The following KDM4B variants were observed in gnomAD, a reference collection of about 807,000 sequenced individuals.
KDM4B encodes lysine-specific demethylase 4B.
KDM4B carries 32 observed loss-of-function variants against 125.2 expected under a neutral mutation model. The observed-to-expected ratio is 0.26, with a 90% CI of 0.19 to 0.34. The LOEUF (loss-of-function observed/expected upper bound fraction) is 0.34, where lower values mean the gene tolerates loss of function less well. Among genes scored for constraint, KDM4B ranks in the 10% least tolerant of loss-of-function variants. KDM4B has a pLI of 1.00. For missense variants in KDM4B, 1,190 were observed against 1,577.7 expected (o/e 0.75, Z 4.16); for synonymous variants, 721 against 677.9 (o/e 1.06, Z -0.99).
At chr19:5,052,690 C>T (rs972884204) in intron 6 of KDM4B, among the ~76,000 whole-genome samples, 2 of 152,256 alleles carry the variant, frequency 1.3e-5, no homozygotes, top group East Asian at 1.9e-4. Context: ...TCGGGCCCCA[C>T]AATGGCCTCT....
intron 9 of KDM4B, among the ~76,000 whole-genome samples, chr19:5,086,257 C>T (rs920717201): frequency 2.0e-5 from 3 of 151,510 alleles, no homozygotes; most frequent in Admixed American, 1.3e-4. Context: ...GGTGAAAAGC[C>T]ACCCTCCTGC....
At chr19:4,973,989 G>A (rs1459481215) in intron 1 of KDM4B, among the ~76,000 whole-genome samples, 1 of 151,902 alleles carries the variant, frequency 6.6e-6, no homozygotes, top group African/African-American at 2.4e-5. Context: ...AATTAACTGG[G>A]CGTGGCGGTG....
chr19:5,065,820 C>A (rs2037751287), intron 6 of KDM4B, among the ~76,000 whole-genome samples: 1 of 152,242 alleles, frequency 6.6e-6, no homozygotes, highest in African/African-American at 2.4e-5. Flanking sequence ...AAGGTTCGCC[C>A]ACCCGTCGCC....
At position 5,087,198 on chromosome 19, in the gene KDM4B, G is replaced by A. The variant is rs183051078; in HGVS notation, c.918+4694G>A. 1.9e-3 allele frequency among the ~76,000 whole-genome samples: 284 copies of A among 152,402 alleles called. 1 individual carries two copies. Among genetic ancestry groups the A allele is most frequent in the Middle Eastern group, 0.014 (4 of 294 alleles). ...GGCACACGGAGGCCATTGTCAAGGA[G>A]GGGGTGGGATTTATTCCCGTGGGTG... On this transcript the variant is annotated intron_variant, in intron 9 of 22. Transcript: ENST00000159111.
At chr19:5,067,930 G>A (rs1461312558) in intron 6 of KDM4B, among the ~76,000 whole-genome samples, 3 of 152,136 alleles carry the variant, frequency 2.0e-5, no homozygotes, top group Admixed American at 6.5e-5. Context: ...GATGGAAACC[G>A]AGCTCCCAGG....
rs371020611 is a variant in KDM4B at position 5,137,281 on chromosome 19, C to T, written c.2328C>T (p.Pro776=). The T allele has an allele frequency of 3.0e-5, 48 of 1,578,720 alleles. No homozygotes were observed. The highest frequency in any genetic ancestry group is 3.6e-5 in the Non-Finnish European group (42 of 1,162,580). The change falls in exon 16 of 23, where the codon CCC becomes CCT. Residue 776 remains proline (P), a synonymous_variant. Coordinates refer to ENST00000159111, the MANE Select transcript of KDM4B (RefSeq NM_015015.3). The stretch of plus-strand genomic sequence containing the variant: ...TTCCAGGTTGCTATGGCATCCGTCC[C>T]GAGCTGGTCAATGAAGGCTGGACGT... ...QVHASCYGIR[P]ELVNEGWTCS... is the part of the protein sequence containing the mutation.
chr19:4,974,733 G>C (rs1480596670), intron 1 of KDM4B, among the ~76,000 whole-genome samples: 1 of 138,750 alleles, frequency 7.2e-6, no homozygotes, highest in East Asian at 2.0e-4. Flanking sequence ...GCGAGACTCT[G>C]TCTCCAAAAA....
intron 6 of KDM4B, among the ~76,000 whole-genome samples, chr19:5,047,919 C>G (rs1280875141): frequency 6.6e-6 from 1 of 152,214 alleles, no homozygotes; most frequent in African/African-American, 2.4e-5. Context: ...GAGTGCCCCC[C>G]ATTGAGCTGT....
At chr19:5,060,695 G>T (rs2037566497) in intron 6 of KDM4B, among the ~76,000 whole-genome samples, 1 of 152,144 alleles carries the variant, frequency 6.6e-6, no homozygotes, top group Non-Finnish European at 1.5e-5. Context: ...TTTGACGGCA[G>T]GCACGTGAGG....
intron 2 of KDM4B, among the ~76,000 whole-genome samples, chr19:5,017,844 C>T (rs1483468676): frequency 1.1e-4 from 16 of 149,714 alleles, no homozygotes; most frequent in Admixed American, 1.1e-3. Flanking sequence ...GGGTTCACGC[C>T]ATTCTCCTGC....
chr19:4,996,689 C>A (rs2035212134), intron 1 of KDM4B, among the ~76,000 whole-genome samples: 1 of 152,336 alleles, frequency 6.6e-6, no homozygotes, highest in South Asian at 2.1e-4. Flanking sequence ...TTGGGGACAG[C>A]TCTGGTCTCT....
chr19:5,139,087 T>G (rs1263004376), intron 18 of KDM4B, among the ~76,000 whole-genome samples: 1 of 152,126 alleles, frequency 6.6e-6, no homozygotes, highest in Non-Finnish European at 1.5e-5. Flanking sequence ...AAAGTTAGGT[T>G]AACTCCCAAT....
rs4807685 is a variant in KDM4B, at chr19:5,081,168, T to C, written c.781-1199T>C. Among the ~76,000 whole-genome samples, 14,411 of 152,222 alleles carry C rather than the reference T, an allele frequency of 0.095. 884 individuals are homozygous for C. Among genetic ancestry groups the C allele is most frequent in the Admixed American group, 0.15 (2,280 of 15,300 alleles). Reference sequence around the variant, plus strand: ...CGTTTTACTGGATGTTAAATAAAGATGAGGAGCCCACTTGACTTCAAGGAT... The same window carrying C: ...CGTTTTACTGGATGTTAAATAAAGACGAGGAGCCCACTTGACTTCAAGGAT... On this transcript the variant is annotated intron_variant, in intron 8 of 22. Coordinates refer to ENST00000159111, the MANE Select transcript of KDM4B (RefSeq NM_015015.3). This position sits in a 1 kb window ranked among gnomAD's most constrained non-coding sequence, Gnocchi z 4.2.
chr19:5,075,559 T>G (rs143742651), intron 7 of KDM4B: 1 of 152,236 alleles, frequency 6.6e-6, no homozygotes, highest in Non-Finnish European at 1.5e-5. Context: ...TCCATCTACC[T>G]GCCTCGGCCT....
At chr19:5,028,959 G>A (rs1456475504) in intron 2 of KDM4B, among the ~76,000 whole-genome samples, 1 of 152,208 alleles carries the variant, frequency 6.6e-6, no homozygotes, top group East Asian at 1.9e-4. Context: ...CTGGAAGGCT[G>A]GAGTGCAGTG....
intron 10 of KDM4B, chr19:5,119,095 A>C (rs1185072124): frequency 6.8e-7 from 1 of 1,467,822 alleles, no homozygotes; most frequent in African/African-American, 1.4e-5. Context: ...CTAGAGAAAA[A>C]ACCCGTGAAA....
rs1488025035 is a variant in KDM4B, at chr19:5,041,127, T to C, written c.318-10T>C. ...CACCCTGAGCTGGTTTTGGGGTGTT[T>C]GTTCACCAGGTACTGTACCCCGCGG... On this transcript the variant is annotated splice_polypyrimidine_tract_variant and intron_variant, in intron 4 of 22. Coordinates refer to ENST00000159111, the MANE Select transcript of KDM4B (RefSeq NM_015015.3). 1 of 1,591,358 alleles carries C rather than the reference T, an allele frequency of 6.3e-7. No homozygotes were observed. Among genetic ancestry groups the C allele is most frequent in the African/African-American group, 1.3e-5 (1 of 74,358 alleles).
At chr19:4,983,273 G>A (rs2034711583) in intron 1 of KDM4B, among the ~76,000 whole-genome samples, 1 of 151,824 alleles carries the variant, frequency 6.6e-6, no homozygotes, top group South Asian at 2.1e-4. Flanking sequence ...TGCTATAGAT[G>A]GGGTCCTGGT....
intron 1 of KDM4B, among the ~76,000 whole-genome samples, chr19:4,982,603 C>T (rs1015709713): frequency 6.6e-6 from 1 of 151,538 alleles, no homozygotes; most frequent in African/African-American, 2.4e-5. Context: ...CTCTCTCTCT[C>T]TCTCTCTCTT....
Sources: allele counts gnomAD v4.1 joint callset (sites outside exome capture counted in the v4.1 genomes callset), GRCh38; gene constraint gnomAD v4.1.1; non-coding constraint Gnocchi (gnomAD v3.1); transcripts MANE v1.5; gene names NCBI Gene and HGNC (gene_info 2026-07-23, HGNC 2026-07-21).